DUS2: variants seen among roughly 807,000 people sequenced by gnomAD.
DUS2 encodes the protein tRNA-dihydrouridine(20) synthase [NAD(P)+]-like.
A neutral mutation model predicts 71.3 loss-of-function variants in DUS2; 52 were observed. That is an observed-to-expected ratio of 0.73 (90% CI 0.58 to 0.92). DUS2 has a LOEUF of 0.92. DUS2 is among the 40% of genes least tolerant of loss of function. The probability of loss-of-function intolerance (pLI) is 0.00; values close to 1 mark genes in which losing one functional copy is unlikely to be tolerated. For synonymous variants in DUS2, 204 were observed against 227.8 expected (o/e 0.90, Z 0.94); for missense variants, 558 against 622.6 (o/e 0.90, Z 1.10).
At chr16:68,046,338 C>G (rs2033700614) in intron 3 of DUS2, among the ~76,000 whole-genome samples, 1 of 150,764 alleles carries the variant, frequency 6.6e-6, no homozygotes, top group Non-Finnish European at 1.5e-5. Context: ...AGGATAACGG[C>G]TGCCAGCTGC....
chr16:68,033,223 A>G (rs946581313), intron 2 of DUS2, among the ~76,000 whole-genome samples: 2 of 152,060 alleles, frequency 1.3e-5, no homozygotes, highest in Non-Finnish European at 2.9e-5. Flanking sequence ...AGATGAGCGG[A>G]GGGTTTCTGG....
intron 11 of DUS2, 67 bp from the exon 12 acceptor site, chr16:68,070,873 G>A: frequency 1.3e-6 from 2 of 1,571,830 alleles, no homozygotes; most frequent in Non-Finnish European, 8.7e-7. Flanking sequence ...TCTGAGAGCT[G>A]ACTTTTTCTG....
intron 3 of DUS2, among the ~76,000 whole-genome samples, chr16:68,046,615 C>A (rs553550029): frequency 1.3e-5 from 2 of 152,178 alleles, no homozygotes; most frequent in Admixed American, 6.5e-5. Context: ...TTTTTTATTT[C>A]TTGAGTCAGA....
intron 3 of DUS2, among the ~76,000 whole-genome samples, chr16:68,045,768 C>A (rs1451725442): frequency 6.6e-6 from 1 of 150,534 alleles, no homozygotes; most frequent in African/African-American, 2.4e-5. Flanking sequence ...TTGCCCAGGC[C>A]CTGGAGTGGA....
At chr16:68,046,858 T>G (rs565903593) in intron 3 of DUS2, among the ~76,000 whole-genome samples, 2 of 151,944 alleles carry the variant, frequency 1.3e-5, no homozygotes, top group Non-Finnish European at 2.9e-5. Context: ...GCCATTCTCC[T>G]GCCTCAGCCT....
chr16:68,068,584 CTTTTTTTTTTTT>C (rs59827856), intron 10 of DUS2, among the ~76,000 whole-genome samples: 1 of 67,276 alleles, frequency 1.5e-5, no homozygotes, highest in African/African-American at 6.1e-5. Flanking sequence ...CTTTCTCTCT[CTTTTTTTTTTTT>C]TTTTTTTTTT....
chr16:68,041,101 C>T (rs2033619369), intron 3 of DUS2, among the ~76,000 whole-genome samples: 1 of 152,104 alleles, frequency 6.6e-6, no homozygotes, highest in South Asian at 2.1e-4. Flanking sequence ...CGCGGTGGTG[C>T]ACACCTGTAG....
intron 3 of DUS2, among the ~76,000 whole-genome samples, chr16:68,049,011 AC>A: frequency 6.6e-6 from 1 of 152,144 alleles, no homozygotes; most frequent in Non-Finnish European, 1.5e-5. Context: ...ACATAGTGTG[AC>A]CCATGTGGGA....
At chr16:68,063,370 C>T (rs777011667) in intron 8 of DUS2, among the ~76,000 whole-genome samples, 2 of 152,108 alleles carry the variant, frequency 1.3e-5, no homozygotes, top group Non-Finnish European at 2.9e-5. Context: ...GTTTTAGGCC[C>T]GTGGTTCCAT....
Position 68,059,809 on chromosome 16 carries a change from C to G in DUS2, c.370-1257C>G, listed in dbSNP as rs182948651. 9.4e-4 allele frequency among the ~76,000 whole-genome samples: 143 copies of G among 152,202 alleles called. 6 individuals carry two copies. The highest frequency in any genetic ancestry group is 8.1e-3 in the Admixed American group (124 of 15,282). On this transcript the variant is annotated intron_variant, in intron 7 of 16. Transcript: ENST00000565263. ...TGGATTCAGATTTTTAAAGATCCCC[C>G]TCCTCCATTATTAAAGTAATTAATA... is the stretch of plus-strand genomic sequence containing the variant.
intron 2 of DUS2, among the ~76,000 whole-genome samples, chr16:68,031,299 C>T (rs762154706): frequency 1.3e-5 from 2 of 151,972 alleles, no homozygotes; most frequent in African/African-American, 2.4e-5. Flanking sequence ...TGAGTAGCTG[C>T]GACTACAGGC....
chr16:68,037,415 CTT>C (rs945193739), intron 2 of DUS2, among the ~76,000 whole-genome samples: 32 of 131,674 alleles, frequency 2.4e-4, no homozygotes, highest in Admixed American at 2.3e-4. Context: ...GAAACTCCAT[CTT>C]TTTTTTTTTT....
Position 68,078,440 on chromosome 16 carries a change from A to G in DUS2, c.1171-5A>G. 6.2e-7 allele frequency: 1 copy of G among 1,613,954 alleles called. No homozygotes were observed. The highest frequency in any genetic ancestry group is 8.5e-7 in the Non-Finnish European group (1 of 1,179,928). ...GCCATGTGATTCCTTTTCTCTTTGT[A>G]TCAGGTTCAACGCCCTCTAGATCGC... On this transcript the variant is annotated splice_region_variant and splice_polypyrimidine_tract_variant and intron_variant, in intron 15 of 16. Transcript: ENST00000565263.
chr16:68,062,674 G>A (rs911211125), intron 8 of DUS2, among the ~76,000 whole-genome samples: 3 of 146,214 alleles, frequency 2.1e-5, no homozygotes, highest in African/African-American at 5.1e-5. Context: ...AGCAGAGATC[G>A]TGCCACTGCA....
intron 8 of DUS2, among the ~76,000 whole-genome samples, chr16:68,062,228 C>G (rs2033950031): frequency 6.6e-6 from 1 of 151,940 alleles, no homozygotes; most frequent in East Asian, 2.0e-4. Context: ...CCACGCTGGT[C>G]TTGAACTCCT....
chr16:68,075,547 C>A, intron 14 of DUS2, 43 bp downstream of exon 14: 1 of 1,569,562 alleles, frequency 6.4e-7, no homozygotes, highest in Non-Finnish European at 8.7e-7. Flanking sequence ...GGGCCAGCAC[C>A]CTTGGGGTCC....
intron 4 of DUS2, among the ~76,000 whole-genome samples, chr16:68,051,671 C>T (rs189471388): frequency 1.7e-3 from 253 of 152,156 alleles, no homozygotes; most frequent in African/African-American, 5.8e-3. Context: ...GATTACAGGA[C>T]TTAGCCATCA....
At chr16:68,044,449 A>G (rs897932341) in intron 3 of DUS2, among the ~76,000 whole-genome samples, 71 of 146,928 alleles carry the variant, frequency 4.8e-4, no homozygotes, top group Non-Finnish European at 1.9e-4. Context: ...AGGCTCAAGT[A>G]CAGTGACATG....
In DUS2 at chr16:68,074,175, G is replaced by A; in HGVS notation, c.932+20G>A. ...AATTTGGTAAGAGGCACAATAAGAT[G>A]TCCATCTGTCCTTGTACGCATTGCC... On this transcript the variant is annotated intron_variant, in intron 13 of 16. Coordinates refer to ENST00000565263, the MANE Select transcript of DUS2 (RefSeq NM_017803.5). 6.2e-7 allele frequency: 1 copy of A among 1,613,706 alleles called. No individual in the cohort carries two copies. Among genetic ancestry groups the A allele is most frequent in the Middle Eastern group, 1.7e-4 (1 of 6,060 alleles).
Sources: gnomAD v4.1 joint callset for allele counts (sites outside exome capture counted in the v4.1 genomes callset) on GRCh38, gnomAD v4.1.1 for gene constraint, MANE v1.5 for transcripts, NCBI Gene and HGNC (gene_info 2026-07-23, HGNC 2026-07-21) for gene names.